SUFU: variants seen among roughly 807,000 people sequenced by gnomAD.
SUFU encodes SUFU negative regulator of hedgehog signaling, also known as suppressor of fused homolog.
Under a neutral mutation model 58.9 loss-of-function variants are expected in SUFU, and 7 were observed. That is an observed-to-expected ratio of 0.12 (90% CI 0.07 to 0.22). The LOEUF (loss-of-function observed/expected upper bound fraction) is 0.22. Ranked by LOEUF, SUFU falls within the 10% of genes least tolerant of loss-of-function variation. SUFU has a pLI of 1.00. For synonymous variants in SUFU, 232 were observed against 254.8 expected, an observed-to-expected ratio of 0.91 and a Z score of 0.85; for missense variants, 451 against 641.3, an observed-to-expected ratio of 0.70 and a Z score of 3.20.
At chr10:102,528,723 T>A (rs1589994983) in intron 2 of SUFU, among the ~76,000 whole-genome samples, 1 of 152,150 alleles carries the variant, frequency 6.6e-6, no homozygotes, top group East Asian at 1.9e-4. Flanking sequence ...AGCCACTGTT[T>A]TTGAACTTGA....
intron 10 of SUFU, among the ~76,000 whole-genome samples, chr10:102,620,147 C>T (rs937443565): frequency 6.6e-6 from 1 of 152,202 alleles, no homozygotes; most frequent in Non-Finnish European, 1.5e-5. Flanking sequence ...TCCCATTGGT[C>T]CCAGCTGAAA....
intron 8 of SUFU, among the ~76,000 whole-genome samples, chr10:102,611,793 C>T (rs1251394330): frequency 6.6e-6 from 1 of 152,180 alleles, no homozygotes; most frequent in African/African-American, 2.4e-5. Context: ...AAGTTAAGCC[C>T]AATGTCACAT....
At chr10:102,525,092 CTTTATTTTAT>C (rs565320171) in intron 2 of SUFU, among the ~76,000 whole-genome samples, 11 of 152,152 alleles carry the variant, frequency 7.2e-5, no homozygotes, top group African/African-American at 1.7e-4. Flanking sequence ...CTGAACCTTG[CTTTATTTTAT>C]TTTATTTTAT....
At chr10:102,552,033 T>C (rs2062924569) in intron 3 of SUFU, among the ~76,000 whole-genome samples, 1 of 152,270 alleles carries the variant, frequency 6.6e-6, no homozygotes, top group African/African-American at 2.4e-5. Context: ...CCTTATTATG[T>C]ACCTTCTTAT....
intron 3 of SUFU, among the ~76,000 whole-genome samples, chr10:102,590,625 G>A (rs1188142620): frequency 6.6e-6 from 1 of 151,638 alleles, no homozygotes; most frequent in African/African-American, 2.4e-5. Context: ...GAATGAATTA[G>A]AAATTATTTC....
chr10:102,526,467 C>T (rs1033668633), intron 2 of SUFU, among the ~76,000 whole-genome samples: 1 of 151,620 alleles, frequency 6.6e-6, no homozygotes, highest in Non-Finnish European at 1.5e-5. Context: ...GTGGGAGGAT[C>T]GCTTGAGCCC....
intron 3 of SUFU, among the ~76,000 whole-genome samples, chr10:102,585,900 T>TTC (rs1414262009): frequency 6.6e-6 from 1 of 151,108 alleles, no homozygotes; most frequent in Non-Finnish European, 1.5e-5. Flanking sequence ...TTTTTTTTTT[T>TTC]TTTTGACAGA....
chr10:102,609,022 A>C (rs1564703770), intron 8 of SUFU, among the ~76,000 whole-genome samples: 1 of 152,040 alleles, frequency 6.6e-6, no homozygotes, highest in East Asian at 1.9e-4. Flanking sequence ...TAGTCTTGAA[A>C]CCCCGGAAGA....
In SUFU at chr10:102,619,541, C is replaced by T. The variant is rs2063722426; in HGVS notation, c.1296+2113C>T. 5.6e-6 allele frequency: 6 copies of T among 1,080,604 alleles called. No homozygotes were observed. Among genetic ancestry groups the T allele is most frequent in the African/African-American group, 1.6e-5 (1 of 61,290 alleles). The allele number at this position is 1,080,604 out of a possible 1,614,324, so 66.9% of individuals were successfully genotyped here. The stretch of plus-strand genomic sequence containing the variant: ...ACAGGAGAGCTCCTGGGAAGGCTGG[C>T]GGAGGCCCCACACCCCAAGCACCCA... On this transcript the variant is annotated intron_variant, in intron 10 of 11. Transcript: ENST00000369902. This position sits in a 1 kb window ranked among gnomAD's most constrained non-coding sequence, Gnocchi z 4.2.
At chr10:102,598,560 AAG>A (rs1487065594) in intron 7 of SUFU, among the ~76,000 whole-genome samples, 9 of 152,310 alleles carry the variant, frequency 5.9e-5, no homozygotes, top group Admixed American at 2.0e-4. Context: ...CTTTTGACAA[AAG>A]AGGTGATTTA....
chr10:102,568,945 T>A (rs61871132), intron 3 of SUFU, among the ~76,000 whole-genome samples: 4 of 74,660 alleles, frequency 5.4e-5, no homozygotes, highest in Admixed American at 2.1e-4. Flanking sequence ...TATATATATA[T>A]ATATATATAT....
At chr10:102,599,641 C>A in intron 8 of SUFU, 97 bp downstream of exon 8, 1 of 1,060,746 alleles carries the variant, frequency 9.4e-7, no homozygotes, top group Non-Finnish European at 1.4e-6. Context: ...ATGCACATAG[C>A]CCTTGCTGGA....
intron 2 of SUFU, among the ~76,000 whole-genome samples, chr10:102,522,940 A>G (rs528814902): frequency 6.6e-6 from 1 of 152,286 alleles, no homozygotes; most frequent in East Asian, 1.9e-4. Context: ...ACAGTTTCAC[A>G]GCCTTAGGTT....
chr10:102,581,674 G>A (rs2063281963), intron 3 of SUFU, among the ~76,000 whole-genome samples: 1 of 152,212 alleles, frequency 6.6e-6, no homozygotes, highest in Admixed American at 6.5e-5. Context: ...GGGACTTCCA[G>A]ATATGGGGCA....
In SUFU at chr10:102,523,893, G is replaced by T. The variant is rs137875398; in HGVS notation, c.317+14590G>T. On this transcript the variant is annotated intron_variant, in intron 2 of 11. Transcript: ENST00000369902. ...GGTCCTTTGTACTCTACTTCAATCG[G>T]CCTTCTCTCTGACTGCTCTGCTCTT... Among the ~76,000 whole-genome samples the T allele has an allele frequency of 5.9e-5, 9 of 152,258 alleles. No individual in the cohort carries two copies. In the East Asian group the frequency reaches 1.7e-3, roughly 29 times the overall value.
intron 2 of SUFU, among the ~76,000 whole-genome samples, chr10:102,525,694 G>C (rs2062601569): frequency 6.6e-6 from 1 of 151,958 alleles, no homozygotes; most frequent in Admixed American, 6.6e-5. Flanking sequence ...AGTAAAGATG[G>C]GGTTTTGCCA....
At chr10:102,529,223 GTTGT>G (rs1308895359) in intron 2 of SUFU, among the ~76,000 whole-genome samples, 1 of 152,156 alleles carries the variant, frequency 6.6e-6, no homozygotes, top group African/African-American at 2.4e-5. Flanking sequence ...AATCTCTGCA[GTTGT>G]TTATTTAGTA....
intron 7 of SUFU, among the ~76,000 whole-genome samples, chr10:102,599,046 G>A (rs925451568): frequency 1.3e-5 from 2 of 152,140 alleles, no homozygotes; most frequent in Non-Finnish European, 2.9e-5. Context: ...GCCCATTCAT[G>A]GCAGGGTGCT....
At chr10:102,594,206 G>A (rs1450253680) in intron 6 of SUFU, 141 bp downstream of exon 6, 10 of 830,160 alleles carry the variant, frequency 1.2e-5, no homozygotes, top group African/African-American at 3.3e-5. Context: ...CTTGTCCCCT[G>A]AATTCTGCAG....
Sources: allele counts gnomAD v4.1 joint callset (sites outside exome capture counted in the v4.1 genomes callset), GRCh38; gene constraint gnomAD v4.1.1; non-coding constraint Gnocchi (gnomAD v3.1); transcripts MANE v1.5; gene names NCBI Gene and HGNC (gene_info 2026-07-23, HGNC 2026-07-21).